The following STAU2 variants were observed in gnomAD, a reference collection of about 807,000 sequenced individuals.
The protein encoded by STAU2 is staufen double-stranded RNA binding protein 2.
A neutral mutation model predicts 65.9 loss-of-function variants in STAU2; 20 were observed. The ratio of observed to expected loss-of-function variants is 0.30; its 90% CI spans 0.21 to 0.44. The LOEUF is 0.44. Ranked by LOEUF, STAU2 falls within the 20% of genes least tolerant of loss-of-function variation. The pLI is 1.00. For synonymous variants in STAU2, 232 were observed against 233.9 expected (o/e 0.99, Z 0.07); for missense variants, 558 against 683.9 (o/e 0.82, Z 2.05).
At chr8:73,717,796 G>A (rs967581199) in intron 3 of STAU2, among the ~76,000 whole-genome samples, 1 of 137,582 alleles carries the variant, frequency 7.3e-6, no homozygotes, top group Admixed American at 7.1e-5. Flanking sequence ...CTATTTTACA[G>A]CTTTTAATTC....
chr8:73,648,525 C>T (rs1449823518), intron 6 of STAU2, among the ~76,000 whole-genome samples: 3 of 152,192 alleles, frequency 2.0e-5, no homozygotes, highest in African/African-American at 7.2e-5. Flanking sequence ...GTTCTACACA[C>T]AGTAGACTAC....
chr8:73,553,721 G>C (rs547180423), intron 12 of STAU2, among the ~76,000 whole-genome samples: 1 of 151,738 alleles, frequency 6.6e-6, no homozygotes, highest in African/African-American at 2.4e-5. Context: ...GACATTGTCT[G>C]CTATTGAATC....
chr8:73,643,315 C>T (rs1398669033), intron 6 of STAU2, among the ~76,000 whole-genome samples: 1 of 152,174 alleles, frequency 6.6e-6, no homozygotes, highest in Non-Finnish European at 1.5e-5. Flanking sequence ...ACATACAGTA[C>T]TCCGTTAAGT....
chr8:73,737,321 C>A lies in STAU2; in HGVS notation c.-18+963G>T, dbSNP rs576454817. Among the ~76,000 whole-genome samples the A allele has an allele frequency of 2.5e-4, 38 of 151,932 alleles. 1 individual carries two copies. Among genetic ancestry groups the A allele is most frequent in the Admixed American group, 2.5e-3 (38 of 15,256 alleles). On this transcript the variant is annotated intron_variant, in intron 3 of 14. Transcript: ENST00000524300. The stretch of plus-strand genomic sequence containing the variant: ...GAGTAGCTGGGATTACAGGCACGCA[C>A]CACCATGCCTGGCTAATTTTGTATT...
In STAU2 at chr8:73,741,043, C is replaced by T. The variant is rs375642956; in HGVS notation, c.-196-1175G>A. Among the ~76,000 whole-genome samples, 939 of 146,656 alleles carry T rather than the reference C, an allele frequency of 6.4e-3. 7 individuals are homozygous for T. The highest frequency in any genetic ancestry group is 0.021 in the African/African-American group (849 of 39,696). ...AAAAAAGGCCAGGCGCAGTGGCTCA[C>T]GCCTGTAATCCCAGCACTTTGGGAG... On this transcript the variant is annotated intron_variant, in intron 1 of 14. Coordinates refer to ENST00000524300, the MANE Select transcript of STAU2 (RefSeq NM_001164380.2).
intron 13 of STAU2, among the ~76,000 whole-genome samples, chr8:73,507,044 C>T (rs7824010): frequency 0.36 from 55,119 of 152,064 alleles, 11,776 homozygotes; most frequent in Non-Finnish European, 0.47. Context: ...ACTTCCCTCA[C>T]TGAAGCCTTA....
intron 12 of STAU2, among the ~76,000 whole-genome samples, chr8:73,579,641 T>C (rs1424018556): frequency 2.6e-5 from 4 of 152,208 alleles, no homozygotes; most frequent in Non-Finnish European, 5.9e-5. Flanking sequence ...AAGCATAAAA[T>C]TGCCCTATGC....
intron 13 of STAU2, among the ~76,000 whole-genome samples, chr8:73,473,134 T>C (rs1014688167): frequency 1.3e-5 from 2 of 152,178 alleles, no homozygotes; most frequent in African/African-American, 4.8e-5. Flanking sequence ...AATTATAGCA[T>C]TCATATGCTG....
intron 13 of STAU2, among the ~76,000 whole-genome samples, chr8:73,461,639 A>G (rs1367496566): frequency 6.6e-6 from 1 of 152,032 alleles, no homozygotes; most frequent in Non-Finnish European, 1.5e-5. Flanking sequence ...CAAAGAGGCC[A>G]ACAGAGAGCA....
intron 6 of STAU2, among the ~76,000 whole-genome samples, chr8:73,671,447 A>G (rs1817668709): frequency 6.6e-6 from 1 of 151,976 alleles, no homozygotes; most frequent in Admixed American, 6.6e-5. Context: ...GAAGACAAAA[A>G]CCTTTTTAAC....
chr8:73,672,915 ACT>A, intron 6 of STAU2, 190 bp downstream of exon 6: 2 of 446,300 alleles, frequency 4.5e-6, no homozygotes, highest in Non-Finnish European at 7.2e-6. Flanking sequence ...AAAAAAAAAA[ACT>A]AGTTCCTGAA....
chr8:73,536,542 C>T (rs936151044), intron 13 of STAU2, among the ~76,000 whole-genome samples: 2 of 152,104 alleles, frequency 1.3e-5, no homozygotes, highest in Non-Finnish European at 2.9e-5. Context: ...TGTAATGAGG[C>T]GACCCAATTT....
intron 3 of STAU2, among the ~76,000 whole-genome samples, chr8:73,734,424 A>G (rs1208919914): frequency 1.3e-5 from 2 of 152,192 alleles, no homozygotes; most frequent in African/African-American, 2.4e-5. Context: ...GGCAAAGTTA[A>G]TATCAAATAA....
intron 13 of STAU2, among the ~76,000 whole-genome samples, chr8:73,502,567 T>C (rs1437406074): frequency 6.6e-6 from 1 of 152,076 alleles, no homozygotes; most frequent in Non-Finnish European, 1.5e-5. Flanking sequence ...ATGCTAGCTC[T>C]AGCTAGTAAA....
chr8:73,590,309 TAAA>T (rs1810680593), intron 11 of STAU2, among the ~76,000 whole-genome samples: 1 of 148,618 alleles, frequency 6.7e-6, no homozygotes, highest in South Asian at 2.1e-4. Flanking sequence ...TGTTGGAAAA[TAAA>T]GAAAAGAAAT....
intron 2 of STAU2, among the ~76,000 whole-genome samples, 169 bp from the exon 3 acceptor site, chr8:73,738,518 G>A (rs551375399): frequency 1.3e-5 from 2 of 152,272 alleles, no homozygotes; most frequent in South Asian, 2.1e-4. Context: ...TGTCCAATCT[G>A]GAAGTCATTA....
chr8:73,443,783 G>A (rs1312943014), intron 13 of STAU2, among the ~76,000 whole-genome samples: 4 of 152,070 alleles, frequency 2.6e-5, no homozygotes, highest in Admixed American at 1.3e-4. Context: ...AGGAGTTTGA[G>A]GCTGCAGTGA....
intron 6 of STAU2, among the ~76,000 whole-genome samples, chr8:73,657,160 G>T (rs566142929): frequency 3.7e-4 from 56 of 152,214 alleles, no homozygotes; most frequent in Non-Finnish European, 3.1e-4. Context: ...GTACAACACA[G>T]ATCAAGTGGA....
intron 3 of STAU2, among the ~76,000 whole-genome samples, chr8:73,716,034 C>A (rs1391534827): frequency 2.0e-5 from 3 of 152,044 alleles, no homozygotes; most frequent in African/African-American, 7.2e-5. Context: ...TCTGCCTCAG[C>A]CTCCTGAGTA....
Sources: allele counts gnomAD v4.1 joint callset (sites outside exome capture counted in the v4.1 genomes callset), GRCh38; gene constraint gnomAD v4.1.1; transcripts MANE v1.5; gene names NCBI Gene and HGNC (gene_info 2026-07-23, HGNC 2026-07-21).